The following SACS variants were observed in gnomAD, a reference collection of about 807,000 sequenced individuals.
The protein encoded by SACS is sacsin molecular chaperone.
A neutral mutation model predicts 348.0 loss-of-function variants in SACS; 197 were observed. The observed-to-expected ratio is 0.57, with a 90% CI of 0.50 to 0.64. The LOEUF is 0.64. SACS is among the 30% of genes least tolerant of loss of function. SACS has a pLI of 0.00. For missense variants in SACS, 4,999 were observed against 5,360.8 expected, an observed-to-expected ratio of 0.93 and a Z score of 2.11; for synonymous variants, 1,985 against 1,910.6, an observed-to-expected ratio of 1.04 and a Z score of -1.02.
At chr13:23,408,440 A>G (rs1000067795) in intron 2 of SACS, among the ~76,000 whole-genome samples, 2 of 152,196 alleles carry the variant, frequency 1.3e-5, no homozygotes, top group Non-Finnish European at 2.9e-5. Context: ...TTAGCTTGAA[A>G]CTTCAGATGA....
rs948190254 is a variant in SACS, at chr13:23,329,994, A to G, written c.*142T>C. On this transcript the variant is annotated 3_prime_UTR_variant, in exon 10 of 10. Coordinates refer to ENST00000382292, the MANE Select transcript of SACS (RefSeq NM_014363.6). ...AGGTTTTCCGTTGGTATTCATGTTCATAACAACTCCAGAATTCTCCAAGAA... is the reference window on the plus strand; with the variant it reads ...AGGTTTTCCGTTGGTATTCATGTTCGTAACAACTCCAGAATTCTCCAAGAA... The G allele has an allele frequency of 6.4e-6, 5 of 783,856 alleles. No homozygotes were observed. Among genetic ancestry groups the G allele is most frequent in the Middle Eastern group, 3.6e-4 (1 of 2,760 alleles). 48.6% of individuals were successfully genotyped at this position (783,856 alleles called of 1,614,324 possible).
At chr13:23,413,372 T>C (rs2148444) in intron 1 of SACS, among the ~76,000 whole-genome samples, 59,406 of 152,070 alleles carry the variant, frequency 0.39, 12,132 homozygotes, top group East Asian at 0.55. Context: ...TTTCAAGATG[T>C]TCTCTTAGAC....
intron 2 of SACS, among the ~76,000 whole-genome samples, chr13:23,410,314 T>A (rs533442223): frequency 1.3e-5 from 2 of 152,310 alleles, no homozygotes; most frequent in South Asian, 2.1e-4. Flanking sequence ...GTCTCAATAC[T>A]CTTGTCCATT....
intron 2 of SACS, among the ~76,000 whole-genome samples, chr13:23,402,285 A>G (rs904726673): frequency 6.6e-6 from 1 of 152,196 alleles, no homozygotes; most frequent in Non-Finnish European, 1.5e-5. Flanking sequence ...ACGGGACTGA[A>G]TGAACTAATA....
intron 9 of SACS, among the ~76,000 whole-genome samples, chr13:23,343,907 C>T (rs1210350802): frequency 3.3e-5 from 5 of 152,116 alleles, no homozygotes; most frequent in Non-Finnish European, 7.3e-5. Flanking sequence ...ATTTAATAAG[C>T]AAGGGCACAC....
chr13:23,354,595 T>A lies in SACS; in HGVS notation c.2017A>T (p.Asn673Tyr), dbSNP rs775851340. The change falls in exon 8 of 10, where the codon AAT becomes TAT. Residue 673 changes from asparagine to tyrosine, a missense_variant. Coordinates refer to ENST00000382292, the MANE Select transcript of SACS (RefSeq NM_014363.6). ...LLGLELLPLQNGNFVPFSSSV... is the reference protein window; with the variant it reads ...LLGLELLPLQYGNFVPFSSSV... ...GAGGAGAAGGGGACAAAATTGCCATTTTGTAAAGGGAGCAGCTCCAGCCCA... is the reference window on the plus strand; with the variant it reads ...GAGGAGAAGGGGACAAAATTGCCATATTGTAAAGGGAGCAGCTCCAGCCCA... 1 of 1,614,184 alleles carries A rather than the reference T, an allele frequency of 6.2e-7. No individual in the cohort carries two copies. The highest frequency in any genetic ancestry group is 1.1e-5 in the South Asian group (1 of 91,082).
At chr13:23,423,573 A>G (rs1311258606) in intron 1 of SACS, among the ~76,000 whole-genome samples, 2 of 152,186 alleles carry the variant, frequency 1.3e-5, no homozygotes, top group African/African-American at 4.8e-5. Context: ...AGGCCTCTAT[A>G]TGAACCTACT....
chr13:23,400,131 G>A (rs1872901895), intron 2 of SACS, among the ~76,000 whole-genome samples: 1 of 152,158 alleles, frequency 6.6e-6, no homozygotes, highest in African/African-American at 2.4e-5. Context: ...AACAAACAAG[G>A]GAAGGGGATT....
In SACS at chr13:23,332,399, T is replaced by C. The variant is rs1226520212; in HGVS notation, c.11477A>G (p.Tyr3826Cys). Residue 3826 changes from tyrosine (Y) to cysteine (C), a missense_variant, in exon 10 of 10, where the codon TAC (tyrosine) becomes TGC (cysteine). By Grantham distance (194) the Tyr-to-Cys change is radical. Around this residue, in one of 6 missense-constraint regions of SACS, gnomAD observed 831 missense variants for 941.8 expected, o/e 0.88. Coordinates refer to ENST00000382292, the MANE Select transcript of SACS (RefSeq NM_014363.6). ...EYESDFKPYL[Y>C]KLPLELGTFH... ...TGTGCCAAGTTCTAAAGGTAGCTTGTACAAATAAGGTTTAAAATCAGATTC... is the reference window on the plus strand; with the variant it reads ...TGTGCCAAGTTCTAAAGGTAGCTTGCACAAATAAGGTTTAAAATCAGATTC... The C allele has an allele frequency of 2.5e-6, 4 of 1,613,886 alleles. No homozygotes were observed. The highest frequency in any genetic ancestry group is 2.2e-5 in the East Asian group (1 of 44,884).
chr13:23,343,324 C>T (rs756142945), intron 9 of SACS, among the ~76,000 whole-genome samples: 41 of 152,192 alleles, frequency 2.7e-4, no homozygotes, highest in Non-Finnish European at 3.7e-4. Context: ...AAATAAAAAA[C>T]ATCTCAAATT....
Position 23,334,760 on chromosome 13 carries a change from T to G in SACS, c.9116A>C (p.Lys3039Thr). ...TGTGGTGATATTATAATCTGCATTTTTAAGGTGTTGTAATTCATCCTGTAG... is the reference window on the plus strand; with the variant it reads ...TGTGGTGATATTATAATCTGCATTTGTAAGGTGTTGTAATTCATCCTGTAG... ...NLLQDELQHL[K>T]NADYNITTRK... The change falls in exon 10 of 10, where the codon AAA becomes ACA. Residue 3039 changes from lysine to threonine, a missense_variant. Around this residue, in one of 6 missense-constraint regions of SACS, gnomAD observed 734 missense variants for 694.0 expected, o/e 1.06. Transcript: ENST00000382292. The G allele has an allele frequency of 6.2e-7, 1 of 1,613,828 alleles. No homozygotes were observed. The highest frequency in any genetic ancestry group is 1.1e-5 in the South Asian group (1 of 91,072).
At chr13:23,377,559 T>G (rs991572398) in intron 2 of SACS, among the ~76,000 whole-genome samples, 1 of 152,140 alleles carries the variant, frequency 6.6e-6, no homozygotes, top group Non-Finnish European at 1.5e-5. Flanking sequence ...CTCCATCCAG[T>G]GCCCTCCACT....
chr13:23,395,387 T>C (rs1203597182), intron 2 of SACS, among the ~76,000 whole-genome samples: 2 of 152,210 alleles, frequency 1.3e-5, no homozygotes, highest in Non-Finnish European at 2.9e-5. Flanking sequence ...ATTTGGAACT[T>C]TGATGGCTTC....
Position 23,338,686 on chromosome 13 carries a change from A to C in SACS, c.5190T>G (p.Ser1730Arg). 1 of 1,613,984 alleles carries C rather than the reference A, an allele frequency of 6.2e-7. No individual in the cohort carries two copies. Among genetic ancestry groups the C allele is most frequent in the South Asian group, 1.1e-5 (1 of 91,056 alleles). ...TGAGCTTAGCAGCCTCTTTTAAAAC[A>C]CTTAAGACAGGTGTGTTCAATGCTT... ...SSKALNTPVL[S>R]VLKEAAKLMK... The change falls in exon 10 of 10, where the codon AGT (serine) becomes AGG (arginine). Residue 1730 changes from serine to arginine, a missense_variant. Ser to Arg is a moderately radical substitution (Grantham distance 110, BLOSUM62 -1). Transcript: ENST00000382292.
At position 23,341,390 on chromosome 13, in the gene SACS, T is replaced by C; in HGVS notation, c.2486A>G (p.Asp829Gly). Residue 829 changes from aspartate to glycine, a missense_variant, in exon 10 of 10, where the codon GAC (aspartate) becomes GGC (glycine). This residue lies in a region of SACS where 3,156 missense variants were observed against 3,380.1 expected (regional missense o/e 0.93). Coordinates refer to ENST00000382292, the MANE Select transcript of SACS (RefSeq NM_014363.6). ...RLRIPSLVILDDESEAQLPEF... is the reference protein window; with the variant it reads ...RLRIPSLVILGDESEAQLPEF... ...TGGAAGCTGTGCTTCAGATTCATCG[T>C]CTAAAATGACTAACGATGGAATCCT... The C allele has an allele frequency of 6.2e-7, 1 of 1,610,712 alleles. No individual in the cohort carries two copies.
Position 23,330,803 on chromosome 13 carries a change from T to C in SACS, c.13073A>G (p.Glu4358Gly). Residue 4358 changes from glutamate (E) to glycine (G), a missense_variant, in exon 10 of 10, where the codon GAA (glutamate) becomes GGA (glycine). By Grantham distance (98) the Glu-to-Gly change is moderately conservative. Coordinates refer to ENST00000382292, the MANE Select transcript of SACS (RefSeq NM_014363.6). Reference protein sequence around the residue: ...ANEVFKHLQNEINRLEKQAFL... With the variant: ...ANEVFKHLQNGINRLEKQAFL... The stretch of plus-strand genomic sequence containing the variant: ...AGCCTGTTTTTCTAATCTGTTGATT[T>C]CATTCTGCAAATGTTTAAAAACTTC... 2 of 1,614,114 alleles carry C rather than the reference T, an allele frequency of 1.2e-6. No homozygotes were observed.
intron 2 of SACS, chr13:23,375,672 G>A (rs1871751813): frequency 3.4e-6 from 2 of 593,650 alleles, no homozygotes; most frequent in Non-Finnish European, 4.0e-6. Context: ...CCCGCCCCCA[G>A]GGAACGCCCA....
chr13:23,331,139 GAA>G lies in SACS; in HGVS notation c.12735_12736del (p.Ser4246LysfsTer3). ...GCTTTGAGAGCTTTCCTCAGGTCTT[GAA>G]AACTTATACAGATCAAGAGAGCTAA... On this transcript the variant is annotated frameshift_variant, in exon 10 of 10. Coordinates refer to ENST00000382292, the MANE Select transcript of SACS (RefSeq NM_014363.6). LOFTEE classifies it high-confidence loss of function. 6.2e-7 allele frequency: 1 copy of G among 1,614,132 alleles called. No homozygotes were observed. Among genetic ancestry groups the G allele is most frequent in the Non-Finnish European group, 8.5e-7 (1 of 1,179,990 alleles).
chr13:23,387,557 G>A (rs1286613923), intron 2 of SACS, among the ~76,000 whole-genome samples: 1 of 151,494 alleles, frequency 6.6e-6, no homozygotes, highest in Non-Finnish European at 1.5e-5. Flanking sequence ...GAAGCTGGAA[G>A]ACCCTGTAGA....
Sources: gnomAD v4.1 joint callset for allele counts (sites outside exome capture counted in the v4.1 genomes callset) on GRCh38, gnomAD v4.1.1 for gene constraint, gnomAD v4.1.1 regional missense constraint, MANE v1.5 for transcripts, NCBI Gene and HGNC (gene_info 2026-07-23, HGNC 2026-07-21) for gene names.